DLC1: variants seen among roughly 807,000 people sequenced by gnomAD.
DLC1 encodes DLC1 Rho GTPase activating protein, also known as rho GTPase-activating protein 7.
Under a neutral mutation model 140.3 loss-of-function variants are expected in DLC1, and 54 were observed. The observed-to-expected ratio is 0.38, with a 90% CI of 0.31 to 0.48. DLC1 has a LOEUF of 0.48. DLC1 is among the 20% of genes least tolerant of loss of function. The probability of loss-of-function intolerance (pLI) is 0.96; values close to 1 mark genes in which losing one functional copy is unlikely to be tolerated. For missense variants in DLC1, 2,536 were observed against 1,907.0 expected, an observed-to-expected ratio of 1.33 and a Z score of -6.14; for synonymous variants, 986 against 728.1, an observed-to-expected ratio of 1.35 and a Z score of -5.70.
chr8:13,170,695 A>T (rs971199451), intron 5 of DLC1, among the ~76,000 whole-genome samples: 1 of 145,080 alleles, frequency 6.9e-6, no homozygotes, highest in African/African-American at 2.6e-5. Flanking sequence ...GCGCCACTGC[A>T]CTCCAGCCTG....
intron 2 of DLC1, among the ~76,000 whole-genome samples, chr8:13,442,334 A>C (rs1388620262): frequency 6.6e-6 from 1 of 152,248 alleles, no homozygotes; most frequent in Non-Finnish European, 1.5e-5. Flanking sequence ...CAATGGCAAC[A>C]AAAGTCAAAA....
chr8:13,186,963 C>G (rs965209408), intron 5 of DLC1, among the ~76,000 whole-genome samples: 1 of 152,148 alleles, frequency 6.6e-6, no homozygotes, highest in Non-Finnish European at 1.5e-5. Context: ...ACCCTGTTTG[C>G]CTGGGTATCA....
intron 2 of DLC1, among the ~76,000 whole-genome samples, chr8:13,461,414 A>G (rs1338414354): frequency 6.6e-6 from 1 of 152,078 alleles, no homozygotes; most frequent in African/African-American, 2.4e-5. Context: ...ATAAACATTA[A>G]TGTATTTGCC....
At chr8:13,523,945 G>C (rs1802838364) in intron 1 of DLC1, among the ~76,000 whole-genome samples, 1 of 151,620 alleles carries the variant, frequency 6.6e-6, no homozygotes, top group East Asian at 1.9e-4. Flanking sequence ...TAGAAATGTT[G>C]AAGTGCATTA....
chr8:13,246,847 A>G (rs1289732078), intron 5 of DLC1, among the ~76,000 whole-genome samples: 2 of 152,180 alleles, frequency 1.3e-5, no homozygotes, highest in Non-Finnish European at 2.9e-5. Flanking sequence ...TTGAATGAAT[A>G]AAGCAGTATC....
rs369121624 is a variant in DLC1 at position 13,375,677 on chromosome 8, C to T, written c.1314+17876G>A. The stretch of plus-strand genomic sequence containing the variant: ...AAATAGCTCTTATTATTTTGAGATA[C>T]GTATCTTCTATCTAAATTGAATATT... On this transcript the variant is annotated intron_variant, in intron 4 of 17. Coordinates refer to ENST00000276297, the MANE Select transcript of DLC1 (RefSeq NM_182643.3). Among the ~76,000 whole-genome samples the T allele has an allele frequency of 2.0e-4, 30 of 152,134 alleles. 1 individual carries two copies. Among genetic ancestry groups the T allele is most frequent in the African/African-American group, 6.3e-4 (26 of 41,502 alleles).
intron 4 of DLC1, among the ~76,000 whole-genome samples, chr8:13,320,561 C>T (rs905638497): frequency 3.3e-5 from 5 of 152,166 alleles, no homozygotes; most frequent in Non-Finnish European, 7.3e-5. Context: ...ATGTTGTCCC[C>T]TCCAAATCTC....
At chr8:13,400,742 G>A (rs919021899) in intron 3 of DLC1, among the ~76,000 whole-genome samples, 1 of 151,970 alleles carries the variant, frequency 6.6e-6, no homozygotes, top group African/African-American at 2.4e-5. Flanking sequence ...TAGATGAGTT[G>A]AAAAGTGATT....
intron 5 of DLC1, chr8:13,304,803 C>G: frequency 1.0e-6 from 1 of 963,828 alleles, no homozygotes; most frequent in Non-Finnish European, 1.2e-6. Context: ...CAGAAAAATA[C>G]TATAATTTTT....
intron 2 of DLC1, among the ~76,000 whole-genome samples, chr8:13,476,833 A>G (rs1585173647): frequency 6.6e-6 from 1 of 152,232 alleles, no homozygotes; most frequent in Non-Finnish European, 1.5e-5. Context: ...GCAAATTATC[A>G]TAATTTTATT....
chr8:13,114,618 C>T (rs1442306995), intron 6 of DLC1, among the ~76,000 whole-genome samples: 1 of 151,996 alleles, frequency 6.6e-6, no homozygotes, highest in Non-Finnish European at 1.5e-5. Context: ...AGTGAAATGC[C>T]TAATTACAAA....
At chr8:13,413,771 C>T (rs1334250253) in intron 2 of DLC1, among the ~76,000 whole-genome samples, 1 of 152,122 alleles carries the variant, frequency 6.6e-6, no homozygotes. Flanking sequence ...TCTCCTTAGC[C>T]TTCCACCATG....
intron 5 of DLC1, among the ~76,000 whole-genome samples, chr8:13,297,282 T>TAAAAAAAAAAAAAAAAAAAAAAAA (rs60048506): frequency 0.017 from 160 of 9,604 alleles, 56 homozygotes; most frequent in African/African-American, 0.042. Flanking sequence ...CTTCATACAT[T>TAAAAAAAAAAAAAAAAAAAAAAAA]AAAAAAAAAA....
At chr8:13,562,833 G>A (rs1191615767) in intron 1 of DLC1, among the ~76,000 whole-genome samples, 3 of 151,680 alleles carry the variant, frequency 2.0e-5, no homozygotes, top group African/African-American at 4.8e-5. Context: ...GAAATACTAT[G>A]CAATCTTAGA....
intron 9 of DLC1, 41 bp downstream of exon 9, chr8:13,099,306 C>A (rs1165463248): frequency 1.9e-6 from 3 of 1,575,716 alleles, no homozygotes; most frequent in South Asian, 1.2e-5. Context: ...TCTTTCTGAC[C>A]CCCAGTGCCC....
intron 5 of DLC1, among the ~76,000 whole-genome samples, chr8:13,177,797 G>A (rs1158311817): frequency 1.3e-5 from 2 of 152,170 alleles, no homozygotes; most frequent in East Asian, 3.8e-4. Flanking sequence ...CACCTGGACA[G>A]AATGGAAAAT....
At chr8:13,159,298 G>T (rs1184396809) in intron 5 of DLC1, among the ~76,000 whole-genome samples, 1 of 152,204 alleles carries the variant, frequency 6.6e-6, no homozygotes, top group African/African-American at 2.4e-5. Context: ...TATCACACGG[G>T]ATGCCAAGCG....
intron 4 of DLC1, chr8:13,340,062 G>A (rs1479727958): frequency 3.9e-5 from 6 of 152,200 alleles, no homozygotes; most frequent in Non-Finnish European, 8.8e-5. Context: ...TGAGTGGGGT[G>A]GGCTTGGGCG....
intron 2 of DLC1, among the ~76,000 whole-genome samples, chr8:13,403,164 T>C (rs1319695644): frequency 2.6e-5 from 4 of 152,242 alleles, no homozygotes; most frequent in Non-Finnish European, 5.9e-5. Flanking sequence ...GCTGTTGTTA[T>C]TACTTCAGTC....
Sources: gnomAD v4.1 joint callset for allele counts (sites outside exome capture counted in the v4.1 genomes callset) on GRCh38, gnomAD v4.1.1 for gene constraint, MANE v1.5 for transcripts, NCBI Gene and HGNC (gene_info 2026-07-23, HGNC 2026-07-21) for gene names.